CDH12: variants seen among roughly 807,000 people sequenced by gnomAD.
CDH12 encodes the protein cadherin-12.
In CDH12, 41 loss-of-function variants were observed where a neutral mutation model predicts 74.1. The observed-to-expected ratio is 0.55, with a 90% CI of 0.43 to 0.72. The LOEUF (loss-of-function observed/expected upper bound fraction) is 0.72, where lower values mean the gene tolerates loss of function less well. CDH12 is among the 30% of genes least tolerant of loss of function. CDH12 has a pLI of 0.00. For missense variants in CDH12, 945 were observed against 977.2 expected (o/e 0.97, Z 0.44); for synonymous variants, 399 against 355.0 (o/e 1.12, Z -1.39).
intron 1 of CDH12, among the ~76,000 whole-genome samples, chr5:22,778,776 A>G (rs1302286252): frequency 1.3e-5 from 2 of 152,148 alleles, no homozygotes; most frequent in Non-Finnish European, 2.9e-5. Flanking sequence ...TGGTTGAAAT[A>G]TAGTTTTCTT....
intron 4 of CDH12, among the ~76,000 whole-genome samples, chr5:22,093,271 G>C (rs754348883): frequency 1.3e-5 from 2 of 152,178 alleles, no homozygotes; most frequent in South Asian, 4.1e-4. Flanking sequence ...CTACTTGTTT[G>C]GACTATTTTT....
At chr5:22,445,256 C>T (rs1744776464) in intron 2 of CDH12, among the ~76,000 whole-genome samples, 1 of 152,008 alleles carries the variant, frequency 6.6e-6, no homozygotes, top group Admixed American at 6.6e-5. Context: ...CAGCCCCCAC[C>T]TCCAAAACTC....
At chr5:21,802,092 A>G (rs1747141468) in intron 10 of CDH12, 75 bp downstream of exon 10, 1 of 1,332,342 alleles carries the variant, frequency 7.5e-7, no homozygotes, top group East Asian at 2.4e-5. Context: ...TGGACAGAGA[A>G]TTGGTTCTCT....
At chr5:22,672,124 ATTTTATATATAAATATATAT>A (rs1449656950) in intron 1 of CDH12, among the ~76,000 whole-genome samples, 1 of 123,542 alleles carries the variant, frequency 8.1e-6, no homozygotes, top group African/African-American at 3.1e-5. Context: ...AATATATATT[ATTTTATATATAAATATATAT>A]TTATTATATA....
chr5:22,298,532 C>T (rs1737728810), intron 3 of CDH12, among the ~76,000 whole-genome samples: 1 of 120,368 alleles, frequency 8.3e-6, no homozygotes, highest in East Asian at 2.3e-4. Context: ...TTTGAATGAA[C>T]TCTAAAGCCA....
At chr5:22,536,433 T>G (rs1213204372) in intron 1 of CDH12, among the ~76,000 whole-genome samples, 1 of 152,106 alleles carries the variant, frequency 6.6e-6, no homozygotes, top group African/African-American at 2.4e-5. Context: ...GTGGTCGTGG[T>G]GGTGGTGATA....
chr5:21,862,632 T>C (rs529109229), intron 6 of CDH12, among the ~76,000 whole-genome samples: 2 of 152,310 alleles, frequency 1.3e-5, no homozygotes, highest in Admixed American at 1.3e-4. Context: ...ATAAAAAGTA[T>C]GTTACATAAT....
chr5:22,036,575 C>A (rs1039439361), intron 5 of CDH12, among the ~76,000 whole-genome samples: 1 of 151,852 alleles, frequency 6.6e-6, no homozygotes, highest in Non-Finnish European at 1.5e-5. Flanking sequence ...TGCACGTGTG[C>A]GTGCGTGTGT....
At chr5:22,493,300 T>C (rs1746965124) in intron 2 of CDH12, among the ~76,000 whole-genome samples, 1 of 152,176 alleles carries the variant, frequency 6.6e-6, no homozygotes, top group East Asian at 1.9e-4. Context: ...TAATAATTCA[T>C]TTGTTGATTT....
At chr5:22,411,393 A>G (rs1390390255) in intron 2 of CDH12, among the ~76,000 whole-genome samples, 1 of 151,900 alleles carries the variant, frequency 6.6e-6, no homozygotes, top group Non-Finnish European at 1.5e-5. Flanking sequence ...AAATAGTATG[A>G]TTAGTAAATG....
chr5:22,784,175 G>C (rs1426788341), intron 1 of CDH12, among the ~76,000 whole-genome samples: 1 of 151,900 alleles, frequency 6.6e-6, no homozygotes, highest in African/African-American at 2.4e-5. Flanking sequence ...ATACCATCTA[G>C]TTTTTGTAAA....
intron 9 of CDH12, among the ~76,000 whole-genome samples, chr5:21,810,415 T>G (rs1203799490): frequency 1.3e-5 from 2 of 152,078 alleles, no homozygotes; most frequent in Non-Finnish European, 2.9e-5. Context: ...AACCAGCCTT[T>G]GTGCCCTATT....
At chr5:22,135,209 CA>C (rs5866550) in intron 4 of CDH12, among the ~76,000 whole-genome samples, 94 of 119,398 alleles carry the variant, frequency 7.9e-4, no homozygotes, top group Middle Eastern at 4.3e-3. Flanking sequence ...AACACATAAG[CA>C]AAAAAAAAAA....
intron 4 of CDH12, among the ~76,000 whole-genome samples, chr5:22,178,266 C>G (rs1561193143): frequency 1.3e-5 from 2 of 152,106 alleles, no homozygotes; most frequent in Admixed American, 6.6e-5. Context: ...GCTCAAATAC[C>G]ATGGATACCA....
chr5:22,680,772 A>T (rs1031967255), intron 1 of CDH12, among the ~76,000 whole-genome samples: 1 of 152,064 alleles, frequency 6.6e-6, no homozygotes, highest in Non-Finnish European at 1.5e-5. Context: ...TCTTATTCAC[A>T]ATCTCTCTCT....
At chr5:21,973,016 C>A (rs1450964355) in intron 6 of CDH12, among the ~76,000 whole-genome samples, 3 of 140,316 alleles carry the variant, frequency 2.1e-5, no homozygotes, top group Non-Finnish European at 4.6e-5. Flanking sequence ...ACAGCCTGGG[C>A]AACATAGCTA....
chr5:22,124,367 G>A (rs769993622), intron 4 of CDH12, among the ~76,000 whole-genome samples: 10 of 151,980 alleles, frequency 6.6e-5, no homozygotes, highest in East Asian at 1.9e-4. Flanking sequence ...TCAGTGATCC[G>A]CACGACTCGG....
chr5:21,777,521 C>T (rs1251257156), intron 11 of CDH12, among the ~76,000 whole-genome samples: 8 of 124,520 alleles, frequency 6.4e-5, no homozygotes, highest in Non-Finnish European at 1.8e-5. Flanking sequence ...ATTGTTACCA[C>T]TAACATTTTT....
In CDH12 at chr5:21,945,668, G is replaced by T. The variant is rs531224232; in HGVS notation, c.526+29423C>A. On this transcript the variant is annotated intron_variant, in intron 6 of 14. Coordinates refer to ENST00000382254, the MANE Select transcript of CDH12 (RefSeq NM_004061.5). ...GATTCAGAGGATGGTCACAAAAGAAGAGAGCACAGAGCAGAAGATGGAATC... is the reference window on the plus strand; with the variant it reads ...GATTCAGAGGATGGTCACAAAAGAATAGAGCACAGAGCAGAAGATGGAATC... Among the ~76,000 whole-genome samples, 6 of 151,830 alleles carry T rather than the reference G, an allele frequency of 4.0e-5. No homozygotes were observed. The South Asian group carries it at 1.2e-3, about 32-fold the overall frequency.
Sources: allele counts gnomAD v4.1 joint callset (sites outside exome capture counted in the v4.1 genomes callset), GRCh38; gene constraint gnomAD v4.1.1; transcripts MANE v1.5; gene names NCBI Gene and HGNC (gene_info 2026-07-23, HGNC 2026-07-21).